VWF: variants seen among roughly 807,000 people sequenced by gnomAD.
VWF encodes the protein Factor VIII related antigen.
VWF carries 176 observed loss-of-function variants against 308.6 expected under a neutral mutation model. That is an observed-to-expected ratio of 0.57 (90% CI 0.50 to 0.65). The LOEUF (loss-of-function observed/expected upper bound fraction) is 0.65. Ranked by LOEUF, VWF falls within the 30% of genes least tolerant of loss-of-function variation. VWF has a pLI of 0.00. For synonymous variants in VWF, 1,385 were observed against 1,443.4 expected (o/e 0.96, Z 0.92); for missense variants, 3,146 against 3,648.2 (o/e 0.86, Z 3.55).
Position 6,116,235 on chromosome 12 carries a change from G to A in VWF, c.220+4939C>T, listed in dbSNP as rs139152556. Among the ~76,000 whole-genome samples the A allele has an allele frequency of 1.4e-4, 22 of 152,284 alleles. No homozygotes were observed. The East Asian group carries it at 3.3e-3, about 23-fold the overall frequency. On this transcript the variant is annotated intron_variant, in intron 3 of 51. Coordinates refer to ENST00000261405, the MANE Select transcript of VWF (RefSeq NM_000552.5). Reference sequence around the variant, plus strand: ...CCCCAAAGAGGCAAGACAAGCCAGCGAAGCTCTCCCAGAGGCTCCCACCAG... The same window carrying A: ...CCCCAAAGAGGCAAGACAAGCCAGCAAAGCTCTCCCAGAGGCTCCCACCAG...
At chr12:6,077,487 C>T (rs996585760) in intron 6 of VWF, among the ~76,000 whole-genome samples, 2 of 152,314 alleles carry the variant, frequency 1.3e-5, no homozygotes, top group Admixed American at 6.5e-5. Context: ...TTCTGCCGGG[C>T]GGGCACCCAC....
chr12:6,026,631 G>C (rs1944195750), intron 22 of VWF, among the ~76,000 whole-genome samples: 1 of 152,202 alleles, frequency 6.6e-6, no homozygotes, highest in Admixed American at 6.5e-5. Context: ...TGAAAAAGTA[G>C]TTACGAATGA....
At chr12:5,985,737 G>A in intron 38 of VWF, 72 bp from the exon 39 acceptor site, 4 of 1,434,536 alleles carry the variant, frequency 2.8e-6, no homozygotes, top group Non-Finnish European at 3.9e-6. Context: ...ACAGAGGTCA[G>A]CTCTCCCTGC....
intron 5 of VWF, 102 bp downstream of exon 5, chr12:6,110,272 T>C: frequency 8.0e-7 from 1 of 1,256,978 alleles, no homozygotes; most frequent in South Asian, 1.2e-5. Flanking sequence ...GAGGTCACAG[T>C]GAGGCTTGAA....
chr12:6,114,567 C>T (rs533814205), intron 3 of VWF, among the ~76,000 whole-genome samples: 4 of 152,290 alleles, frequency 2.6e-5, no homozygotes, highest in East Asian at 3.9e-4. Context: ...ACACAGGCTG[C>T]GGGGCTCGGG....
intron 22 of VWF, among the ~76,000 whole-genome samples, chr12:6,027,857 C>CACAT (rs1170814898): frequency 1.3e-5 from 2 of 151,380 alleles, no homozygotes; most frequent in Non-Finnish European, 2.9e-5. Flanking sequence ...CATACACACA[C>CACAT]ACACACACAC....
chr12:6,026,099 C>T lies in VWF; in HGVS notation c.2968-53G>A, dbSNP rs34877178. 397,605 of 1,611,946 alleles carry T rather than the reference C, an allele frequency of 0.25. 53,375 individuals are homozygous for T. Among genetic ancestry groups the T allele is most frequent in the African/African-American group, 0.43 (32,252 of 74,842 alleles). ...CCGTCAAGCCCAGGAGCATGCTCTC[C>T]GGCTCAGGGGAAAGGGGAACATTCC... On this transcript the variant is annotated intron_variant, in intron 22 of 51. Transcript: ENST00000261405.
At chr12:6,097,263 C>T (rs57413414) in intron 5 of VWF, among the ~76,000 whole-genome samples, 2,506 of 152,018 alleles carry the variant, frequency 0.016, 60 homozygotes, top group African/African-American at 0.056. Flanking sequence ...GGTGAAACCC[C>T]GTCTCTACTA....
intron 15 of VWF, among the ~76,000 whole-genome samples, chr12:6,054,865 G>T (rs1252332873): frequency 6.6e-6 from 1 of 152,158 alleles, no homozygotes; most frequent in African/African-American, 2.4e-5. Flanking sequence ...TGGGTAGAGG[G>T]GACAGCTGAG....
At chr12:6,043,788 G>C (rs1794825101) in intron 18 of VWF, among the ~76,000 whole-genome samples, 1 of 152,224 alleles carries the variant, frequency 6.6e-6, no homozygotes, top group Non-Finnish European at 1.5e-5. Context: ...TTACAGATGA[G>C]GAAAACAAGT....
chr12:6,103,274 G>A (rs754046555), intron 5 of VWF, among the ~76,000 whole-genome samples: 2 of 151,884 alleles, frequency 1.3e-5, no homozygotes, highest in Non-Finnish European at 2.9e-5. Flanking sequence ...CTTGCAGTGA[G>A]CCAATCCACG....
intron 17 of VWF, among the ~76,000 whole-genome samples, chr12:6,045,894 G>A (rs1445865501): frequency 6.6e-6 from 1 of 152,182 alleles, no homozygotes; most frequent in Non-Finnish European, 1.5e-5. Context: ...CCCAGTACCA[G>A]GTCAGCCCCT....
chr12:6,012,859 G>A (rs1395724887), intron 32 of VWF, among the ~76,000 whole-genome samples: 9 of 151,802 alleles, frequency 5.9e-5, no homozygotes, highest in Admixed American at 2.0e-4. Flanking sequence ...CCGCCACCAC[G>A]CCCGGCTAAT....
At chr12:6,099,318 CAAAAAAAA>C (rs1177262693) in intron 5 of VWF, among the ~76,000 whole-genome samples, 12,476 of 65,620 alleles carry the variant, frequency 0.19, 1,113 homozygotes, top group African/African-American at 0.36. Flanking sequence ...GACTCTATCT[CAAAAAAAA>C]AAAAAAAAAA....
chr12:6,099,557 C>T (rs945163579), intron 5 of VWF, among the ~76,000 whole-genome samples: 1 of 152,028 alleles, frequency 6.6e-6, no homozygotes, highest in South Asian at 2.1e-4. Context: ...ATGAAACAGT[C>T]CACTCTAAGC....
Position 5,981,947 on chromosome 12 carries a change from G to C in VWF, c.7126C>G (p.Pro2376Ala), listed in dbSNP as rs775107211. The stretch of plus-strand genomic sequence containing the variant: ...CGAAGGGTGGGCAAACGGTGCGGGG[G>C]GCAGGAGGGTGGGGACACTCTTTTG... ...ECKRVSPPSCPPHRLPTLRKT... is the reference protein window; with the variant it reads ...ECKRVSPPSCAPHRLPTLRKT... Residue 2376 changes from proline (P) to alanine (A), a missense_variant, in exon 42 of 52, where the codon CCC (proline) becomes GCC (alanine). Physicochemically the swap from Pro to Ala is conservative, Grantham distance 27. Around this residue, in one of 3 missense-constraint regions of VWF, gnomAD observed 989 missense variants for 1,117.4 expected, o/e 0.89. Coordinates refer to ENST00000261405, the MANE Select transcript of VWF (RefSeq NM_000552.5). 1 of 1,613,562 alleles carries C rather than the reference G, an allele frequency of 6.2e-7. No homozygotes were observed. The highest frequency in any genetic ancestry group is 1.7e-5 in the Admixed American group (1 of 59,994).
At chr12:6,095,020 G>A (rs1324449238) in intron 6 of VWF, among the ~76,000 whole-genome samples, 3 of 150,658 alleles carry the variant, frequency 2.0e-5, no homozygotes, top group Non-Finnish European at 2.9e-5. Context: ...AGATGGTTTC[G>A]ATCTCCTGAT....
chr12:6,026,120 AT>A lies in VWF; in HGVS notation c.2968-75del, dbSNP rs1170558636. 3.0e-5 allele frequency: 48 copies of A among 1,607,516 alleles called. No homozygotes were observed. The East Asian group carries it at 1.1e-3, about 36-fold the overall frequency. The stretch of plus-strand genomic sequence containing the variant: ...TCTCCGGCTCAGGGGAAAGGGGAAC[AT>A]TCCTGGCGGCAATGGAGGCAGAGGG... On this transcript the variant is annotated intron_variant, in intron 22 of 51. Transcript: ENST00000261405.
intron 34 of VWF, among the ~76,000 whole-genome samples, chr12:6,003,188 A>G (rs1017633657): frequency 6.6e-6 from 1 of 152,352 alleles, no homozygotes; most frequent in East Asian, 1.9e-4. Flanking sequence ...AAAGTTCTGG[A>G]TATTATTGTA....
Sources: gnomAD v4.1 joint callset for allele counts (sites outside exome capture counted in the v4.1 genomes callset) on GRCh38, gnomAD v4.1.1 for gene constraint, gnomAD v4.1.1 regional missense constraint, MANE v1.5 for transcripts, NCBI Gene and HGNC (gene_info 2026-07-23, HGNC 2026-07-21) for gene names.